Variants in SMR3A observed in about 807,000 individuals in gnomAD.
SMR3A encodes the protein submaxillary gland androgen-regulated protein 3A.
For synonymous variants in SMR3A, 48 were observed against 57.4 expected, an observed-to-expected ratio of 0.84 and a Z score of 0.74; for missense variants, 188 against 163.0, an observed-to-expected ratio of 1.15 and a Z score of -0.84.
Position 70,366,817 on chromosome 4 carries a change from C to G in SMR3A, c.228C>G (p.Ile76Met), listed in dbSNP as rs1224618081. The G allele has an allele frequency of 9.3e-6, 15 of 1,613,090 alleles. No individual in the cohort carries two copies. The highest frequency in any genetic ancestry group is 1.2e-5 in the Non-Finnish European group (14 of 1,179,628). The change falls in exon 3 of 3, where the codon ATC becomes ATG. Residue 76 changes from isoleucine (I) to methionine (M), a missense_variant. Coordinates refer to ENST00000226460, the MANE Select transcript of SMR3A (RefSeq NM_012390.4). ...CTCCACCCTATGGTCCAGGGAGAAT[C>G]CCACCATCCCCTCCTCCACCCTATG... ...PLSPPYGPGR[I>M]PPSPPPPYGP... is the part of the protein sequence containing the mutation.
Position 70,367,129 on chromosome 4 carries a change from G to T in SMR3A, c.*135G>T. On this transcript the variant is annotated 3_prime_UTR_variant, in exon 3 of 3. Coordinates refer to ENST00000226460, the MANE Select transcript of SMR3A (RefSeq NM_012390.4). ...TTTAGATAAAATCACTTCCATTTTT[G>T]GATGAGAATAAAGATTTCCAAAGCA... 1 of 765,656 alleles carries T rather than the reference G, an allele frequency of 1.3e-6. No homozygotes were observed. The highest frequency in any genetic ancestry group is 2.1e-6 in the Non-Finnish European group (1 of 480,782). 47.4% of individuals were successfully genotyped at this position (765,656 alleles called of 1,614,324 possible).
At chr4:70,364,707 T>C (rs1732224112) in intron 2 of SMR3A, among the ~76,000 whole-genome samples, 1 of 151,698 alleles carries the variant, frequency 6.6e-6, no homozygotes, top group African/African-American at 2.4e-5. Context: ...CAGGATGAAG[T>C]GGAGAATGTT....
Sources: allele counts gnomAD v4.1 joint callset (sites outside exome capture counted in the v4.1 genomes callset), GRCh38; gene constraint gnomAD v4.1.1; transcripts MANE v1.5; gene names NCBI Gene and HGNC (gene_info 2026-07-23, HGNC 2026-07-21).